Variants in GPC6 observed in about 807,000 individuals in gnomAD.
GPC6 encodes the protein glypican-6.
In GPC6, 14 loss-of-function variants were observed where a neutral mutation model predicts 55.2. The ratio of observed to expected loss-of-function variants is 0.25; its 90% CI spans 0.17 to 0.40. GPC6 has a LOEUF of 0.40. GPC6 is among the 10% of genes least tolerant of loss of function. GPC6 has a pLI of 1.00. For missense variants in GPC6, 641 were observed against 708.5 expected, an observed-to-expected ratio of 0.90 and a Z score of 1.08; for synonymous variants, 278 against 259.6, an observed-to-expected ratio of 1.07 and a Z score of -0.68.
intron 1 of GPC6, among the ~76,000 whole-genome samples, chr13:93,345,317 T>A (rs753045036): frequency 3.9e-5 from 6 of 152,154 alleles, no homozygotes; most frequent in Non-Finnish European, 8.8e-5. Context: ...AGATAACACA[T>A]GTGAAGCTAG....
intron 1 of GPC6, among the ~76,000 whole-genome samples, chr13:93,236,571 T>G (rs1317063353): frequency 1.3e-5 from 2 of 152,188 alleles, no homozygotes; most frequent in Admixed American, 6.5e-5. Flanking sequence ...TAGCTTTTCA[T>G]AGGAGCATGA....
intron 3 of GPC6, among the ~76,000 whole-genome samples, chr13:93,851,788 A>G (rs981397270): frequency 2.0e-5 from 3 of 151,804 alleles, no homozygotes; most frequent in African/African-American, 7.3e-5. Context: ...TTGTGTACCA[A>G]GTAAAATAAG....
At chr13:93,844,710 G>C (rs1888105149) in intron 3 of GPC6, among the ~76,000 whole-genome samples, 1 of 145,974 alleles carries the variant, frequency 6.9e-6, no homozygotes, top group Non-Finnish European at 1.5e-5. Flanking sequence ...TGGACATGAA[G>C]TCCTTGCCCA....
chr13:93,254,062 G>A (rs913129750), intron 1 of GPC6, among the ~76,000 whole-genome samples: 8 of 152,080 alleles, frequency 5.3e-5, no homozygotes, highest in Admixed American at 3.3e-4. Context: ...GGTGGCTCAC[G>A]CCTATAATTC....
At chr13:93,707,095 C>T (rs373742043) in intron 2 of GPC6, among the ~76,000 whole-genome samples, 8 of 151,666 alleles carry the variant, frequency 5.3e-5, no homozygotes, top group African/African-American at 1.7e-4. Context: ...AAGTAATTTT[C>T]TTCTTTATAC....
chr13:93,316,946 A>C (rs1254131241), intron 1 of GPC6, among the ~76,000 whole-genome samples: 1 of 152,064 alleles, frequency 6.6e-6, no homozygotes, highest in African/African-American at 2.4e-5. Context: ...TCATTATCTG[A>C]TCTGCATTTG....
Position 93,960,029 on chromosome 13 carries a change from C to T in GPC6, c.712-67700C>T, listed in dbSNP as rs182421251. On this transcript the variant is annotated intron_variant, in intron 3 of 8. Transcript: ENST00000377047. ...ACTGGTAATCTCCCTCACCCTCAGG[C>T]ACGTTTCTCTGTAGACTCCACATCT... 7.2e-5 allele frequency among the ~76,000 whole-genome samples: 11 copies of T among 152,278 alleles called. No individual in the cohort carries two copies. The East Asian group carries it at 1.9e-3, about 27-fold the overall frequency.
intron 2 of GPC6, among the ~76,000 whole-genome samples, chr13:93,633,393 C>T (rs911212626): frequency 8.5e-5 from 13 of 152,120 alleles, no homozygotes; most frequent in African/African-American, 3.1e-4. Context: ...CGCTTGTAAT[C>T]ACAGCACTTT....
intron 4 of GPC6, among the ~76,000 whole-genome samples, chr13:94,192,268 A>C (rs1566525616): frequency 6.6e-6 from 1 of 152,172 alleles, no homozygotes; most frequent in Non-Finnish European, 1.5e-5. Context: ...TAACAGAACA[A>C]TCTATAAAGT....
At chr13:93,895,485 G>A (rs1875958024) in intron 3 of GPC6, among the ~76,000 whole-genome samples, 1 of 151,312 alleles carries the variant, frequency 6.6e-6, no homozygotes, top group Non-Finnish European at 1.5e-5. Flanking sequence ...GCCTTGCTTG[G>A]GAATTGATTC....
chr13:93,733,522 A>C (rs923879156), intron 2 of GPC6, among the ~76,000 whole-genome samples: 3 of 150,502 alleles, frequency 2.0e-5, no homozygotes, highest in Non-Finnish European at 4.4e-5. Flanking sequence ...AATATATATA[A>C]ATATATAAAA....
intron 2 of GPC6, among the ~76,000 whole-genome samples, chr13:93,630,396 G>A (rs939904517): frequency 6.6e-6 from 1 of 152,118 alleles, no homozygotes; most frequent in Non-Finnish European, 1.5e-5. Context: ...TAATGAGCTA[G>A]GGTTCACATT....
intron 4 of GPC6, among the ~76,000 whole-genome samples, chr13:94,142,082 T>A (rs960553335): frequency 3.3e-5 from 5 of 152,172 alleles, no homozygotes; most frequent in African/African-American, 1.2e-4. Flanking sequence ...AATTAAGTGT[T>A]CTAGAACATG....
intron 4 of GPC6, among the ~76,000 whole-genome samples, chr13:94,149,309 C>G (rs551638407): frequency 1.2e-3 from 177 of 152,224 alleles, no homozygotes; most frequent in African/African-American, 4.0e-3. Flanking sequence ...ATCTGGAATG[C>G]CAGCTCAGAT....
intron 4 of GPC6, among the ~76,000 whole-genome samples, chr13:94,265,451 C>G (rs1375832913): frequency 6.6e-6 from 1 of 152,170 alleles, no homozygotes; most frequent in East Asian, 1.9e-4. Flanking sequence ...TTTATTCTAG[C>G]CATGCTGGCA....
At chr13:93,313,874 A>C (rs917525649) in intron 1 of GPC6, among the ~76,000 whole-genome samples, 1 of 152,116 alleles carries the variant, frequency 6.6e-6, no homozygotes, top group African/African-American at 2.4e-5. Context: ...AGGGAATTAT[A>C]CTATGTATAC....
chr13:93,546,962 C>A (rs1406426439), intron 2 of GPC6, among the ~76,000 whole-genome samples: 1 of 126,452 alleles, frequency 7.9e-6, no homozygotes, highest in African/African-American at 2.5e-5. Flanking sequence ...GATATATATT[C>A]TTTAACAAAA....
chr13:94,260,501 C>T (rs1481892439), intron 4 of GPC6, among the ~76,000 whole-genome samples: 1 of 152,268 alleles, frequency 6.6e-6, no homozygotes, highest in South Asian at 2.1e-4. Flanking sequence ...CTGTGGTCTT[C>T]CTTCTCTGTG....
chr13:93,825,304 C>G (rs1446929069), intron 2 of GPC6, among the ~76,000 whole-genome samples: 2 of 152,142 alleles, frequency 1.3e-5, no homozygotes, highest in Non-Finnish European at 2.9e-5. Flanking sequence ...GCACAGTGCT[C>G]CCCAAACCCC....
Sources: allele counts gnomAD v4.1 joint callset (sites outside exome capture counted in the v4.1 genomes callset), GRCh38; gene constraint gnomAD v4.1.1; transcripts MANE v1.5; gene names NCBI Gene and HGNC (gene_info 2026-07-23, HGNC 2026-07-21).